THOP1: variants seen among roughly 807,000 people sequenced by gnomAD.
THOP1 encodes thimet oligopeptidase 1, also known as thimet oligopeptidase.
In THOP1, 49 loss-of-function variants were observed where a neutral mutation model predicts 71.8. That is an observed-to-expected ratio of 0.68 (90% CI 0.54 to 0.87). The LOEUF (loss-of-function observed/expected upper bound fraction) is 0.87, where lower values mean the gene tolerates loss of function less well. THOP1 is among the 40% of genes least tolerant of loss of function. THOP1 has a pLI of 0.00. For synonymous variants in THOP1, 426 were observed against 421.5 expected, an observed-to-expected ratio of 1.01 and a Z score of -0.13; for missense variants, 843 against 975.6, an observed-to-expected ratio of 0.86 and a Z score of 1.81.
intron 12 of THOP1, chr19:2,812,016 G>A: frequency 9.7e-7 from 1 of 1,026,336 alleles, no homozygotes; most frequent in Admixed American, 3.1e-5. Context: ...GCTCCTCCCT[G>A]GGCCCTGCAG....
At chr19:2,790,702 G>A in intron 2 of THOP1, 69 bp downstream of exon 2, 1 of 1,404,132 alleles carries the variant, frequency 7.1e-7, no homozygotes, top group Non-Finnish European at 9.4e-7. Flanking sequence ...GGCGGGAGTA[G>A]CCCAGCCCGT....
rs534569475 is a variant in THOP1 at position 2,810,399 on chromosome 19, G to A, written c.1551G>A (p.Pro517=). The stretch of plus-strand genomic sequence containing the variant: ...AGAACTGGGTGTGGGAGCAGGAGCC[G>A]CTGCTGCGGATGTCGCGGCACTACC... The part of the protein sequence containing the change: ...MLENWVWEQE[P]LLRMSRHYRT... The change falls in exon 10 of 13, where the codon CCG becomes CCA. Residue 517 remains proline, a synonymous_variant. Transcript: ENST00000307741. 2.6e-5 allele frequency: 42 copies of A among 1,610,214 alleles called. No homozygotes were observed. The highest frequency in any genetic ancestry group is 5.3e-5 in the African/African-American group (4 of 74,984).
chr19:2,785,690 C>A lies in THOP1; in HGVS notation c.16+12C>A. 6.9e-7 allele frequency: 1 copy of A among 1,455,996 alleles called. No homozygotes were observed. The highest frequency in any genetic ancestry group is 1.5e-5 in the African/African-American group (1 of 68,592). 90.2% of individuals were successfully genotyped at this position (1,455,996 alleles called of 1,614,324 possible). On this transcript the variant is annotated intron_variant, in intron 1 of 12. Coordinates refer to ENST00000307741, the MANE Select transcript of THOP1 (RefSeq NM_003249.5). ...GAAGCCCCCCGCAGGTACCGACTAC[C>A]CCGCTCGCCGGACCCGGGCGTCCCC...
chr19:2,805,596 G>A lies in THOP1; in HGVS notation c.750+420G>A, dbSNP rs968143784. On this transcript the variant is annotated intron_variant, in intron 6 of 12. Transcript: ENST00000307741. This position sits in a 1 kb window ranked among gnomAD's most constrained non-coding sequence, Gnocchi z 6.6. ...ACTGGGCTATCTCGCTGTGACTGGC[G>A]TCAGACGGCCGTTCCCACAGGGACA... Among the ~76,000 whole-genome samples, 2 of 152,174 alleles carry A rather than the reference G, an allele frequency of 1.3e-5. No homozygotes were observed. Among genetic ancestry groups the A allele is most frequent in the Non-Finnish European group, 2.9e-5 (2 of 68,020 alleles).
intron 2 of THOP1, among the ~76,000 whole-genome samples, chr19:2,791,646 G>A (rs1915882530): frequency 6.6e-6 from 1 of 152,178 alleles, no homozygotes; most frequent in South Asian, 2.1e-4. Context: ...GTGGCCCCTT[G>A]TCCCTCCCGT....
chr19:2,808,534 C>T (rs149497649), intron 9 of THOP1, 90 bp downstream of exon 9: 482 of 1,385,954 alleles, frequency 3.5e-4, no homozygotes, highest in African/African-American at 2.0e-3. Flanking sequence ...CTTCGGCTTC[C>T]GGCTCTCTCT....
rs112871101 is a variant in THOP1, at chr19:2,802,025, G to A, written c.589+2234G>A. Among the ~76,000 whole-genome samples the A allele has an allele frequency of 2.7e-5, 4 of 149,866 alleles. 1 individual carries two copies. The highest frequency in any genetic ancestry group is 1.3e-4 in the Admixed American group (2 of 15,072). On this transcript the variant is annotated intron_variant, in intron 5 of 12. Coordinates refer to ENST00000307741, the MANE Select transcript of THOP1 (RefSeq NM_003249.5). Reference sequence around the variant, plus strand: ...ACATCTCCCAATACCCACATCTCCCGATACCGCTACCTCTCAATACCGCCA... The same window carrying A: ...ACATCTCCCAATACCCACATCTCCCAATACCGCTACCTCTCAATACCGCCA...
rs548993076 is a variant in THOP1, at chr19:2,814,402, C to G, written c.*1126C>G. 6.6e-6 allele frequency: 1 copy of G among 152,296 alleles called. No individual in the cohort carries two copies. The highest frequency in any genetic ancestry group is 1.5e-5 in the Non-Finnish European group (1 of 68,072). The allele number at this position is 152,296 out of a possible 1,614,324, so 9.4% of individuals were successfully genotyped here. A position where few individuals can be genotyped will look rare whatever the true frequency, so the allele number is the denominator to read the frequency against. ...GTCCCTCCCCAGTCTTAGTCCTCCACGAAGGACGCTGGTCAGCAGAACCTG... is the reference window on the plus strand; with the variant it reads ...GTCCCTCCCCAGTCTTAGTCCTCCAGGAAGGACGCTGGTCAGCAGAACCTG... On this transcript the variant is annotated 3_prime_UTR_variant, in exon 13 of 13. Transcript: ENST00000307741.
Position 2,808,399 on chromosome 19 carries a change from C to T in THOP1, c.1410C>T (p.Thr470=). 1.2e-6 allele frequency: 2 copies of T among 1,610,996 alleles called. No individual in the cohort carries two copies. The highest frequency in any genetic ancestry group is 8.5e-7 in the Non-Finnish European group (1 of 1,178,572). Residue 470 remains threonine (T), a synonymous_variant, in exon 9 of 13, where the codon ACC becomes ACT. Coordinates refer to ENST00000307741, the MANE Select transcript of THOP1 (RefSeq NM_003249.5). ...TGCTGCAGCATGACGAGGTGGAGACCTACTTCCATGAGTTTGGCCACGTGA... is the reference window on the plus strand; with the variant it reads ...TGCTGCAGCATGACGAGGTGGAGACTTACTTCCATGAGTTTGGCCACGTGA... ...PSLLQHDEVE[T]YFHEFGHVMH...
chr19:2,785,742 G>C, intron 1 of THOP1, 64 bp downstream of exon 1: 3 of 1,321,968 alleles, frequency 2.3e-6, no homozygotes, highest in Non-Finnish European at 2.9e-6. Context: ...CCGGGGTCGC[G>C]ACTTGGGCCT....
intron 12 of THOP1, 152 bp from the exon 13 acceptor site, chr19:2,812,963 A>T: frequency 1.2e-6 from 1 of 825,388 alleles, no homozygotes; most frequent in African/African-American, 1.7e-5. Context: ...GCGCTCTCCC[A>T]CCTGTGCTGA....
chr19:2,797,365 T>A (rs948349815), intron 4 of THOP1, among the ~76,000 whole-genome samples: 8 of 152,168 alleles, frequency 5.3e-5, no homozygotes, highest in African/African-American at 1.9e-4. Flanking sequence ...CACCCAAATG[T>A]CAAAGCATCA....
chr19:2,813,424 C>T lies in THOP1; in HGVS notation c.*148C>T, dbSNP rs45543338. 9.3e-6 allele frequency: 10 copies of T among 1,072,962 alleles called. No individual in the cohort carries two copies. Among genetic ancestry groups the T allele is most frequent in the Non-Finnish European group, 1.3e-5 (10 of 774,376 alleles). The allele number at this position is 1,072,962 out of a possible 1,614,324, so 66.5% of individuals were successfully genotyped here. On this transcript the variant is annotated 3_prime_UTR_variant, in exon 13 of 13. Coordinates refer to ENST00000307741, the MANE Select transcript of THOP1 (RefSeq NM_003249.5). ...GTCTTGCCTCTTGTCATTGTCTGTC[C>T]CCACCCGGTCGTGGCCCACCCGGCT...
chr19:2,813,039 G>T, intron 12 of THOP1, 76 bp from the exon 13 acceptor site: 1 of 1,484,506 alleles, frequency 6.7e-7, no homozygotes, highest in Admixed American at 2.3e-5. Flanking sequence ...CCTGGGCGAG[G>T]GTGTGCAGAC....
rs1568327131 is a variant in THOP1, at chr19:2,811,665, G to C, written c.1839G>C (p.Leu613=). 6.2e-7 allele frequency: 1 copy of C among 1,613,522 alleles called. No homozygotes were observed. The highest frequency in any genetic ancestry group is 8.5e-7 in the Non-Finnish European group (1 of 1,179,978). The change falls in exon 12 of 13, where the codon CTG becomes CTC. Residue 613 remains leucine (L), a synonymous_variant. Transcript: ENST00000307741. The part of the protein sequence containing the change: ...GGYDAQYYGY[L]WSEVYSMDMF... ...ACGACGCCCAGTACTACGGGTACCT[G>C]TGGAGCGAGGTGTATTCCATGGACA...
At chr19:2,809,241 A>ATGGC (rs1162327966) in intron 9 of THOP1, among the ~76,000 whole-genome samples, 2 of 152,154 alleles carry the variant, frequency 1.3e-5, no homozygotes, top group Non-Finnish European at 2.9e-5. Flanking sequence ...CGTTGAACAC[A>ATGGC]TGGCTGGTGG....
At chr19:2,793,906 G>A (rs955680087) in intron 2 of THOP1, among the ~76,000 whole-genome samples, 1 of 151,998 alleles carries the variant, frequency 6.6e-6, no homozygotes, top group African/African-American at 2.4e-5. Context: ...TGCTGTGAGT[G>A]CACGTGTGCA....
intron 6 of THOP1, chr19:2,806,716 C>A: frequency 1.2e-6 from 1 of 833,432 alleles, no homozygotes; most frequent in African/African-American, 1.7e-5. Flanking sequence ...TGCACCCCTT[C>A]TGGTTCCAAA....
chr19:2,801,485 G>T lies in THOP1; in HGVS notation c.589+1694G>T, dbSNP rs1345148897. Among the ~76,000 whole-genome samples, 11 of 152,174 alleles carry T rather than the reference G, an allele frequency of 7.2e-5. No individual in the cohort carries two copies. Among genetic ancestry groups the T allele is most frequent in the African/African-American group, 2.7e-4 (11 of 41,444 alleles). ...GTGGCCAGGTGACACCGTCATGCGGGTGGCTAGCGTGTTGGGTGACAGTCT... is the reference window on the plus strand; with the variant it reads ...GTGGCCAGGTGACACCGTCATGCGGTTGGCTAGCGTGTTGGGTGACAGTCT... On this transcript the variant is annotated intron_variant, in intron 5 of 12. Transcript: ENST00000307741. This position sits in a 1 kb window ranked among gnomAD's most constrained non-coding sequence, Gnocchi z 5.1.
Sources: allele counts gnomAD v4.1 joint callset (sites outside exome capture counted in the v4.1 genomes callset), GRCh38; gene constraint gnomAD v4.1.1; non-coding constraint Gnocchi (gnomAD v3.1); transcripts MANE v1.5; gene names NCBI Gene and HGNC (gene_info 2026-07-23, HGNC 2026-07-21).